GPC5: variants seen among roughly 807,000 people sequenced by gnomAD.
GPC5 encodes glypican 5.
A neutral mutation model predicts 53.9 loss-of-function variants in GPC5; 47 were observed. The observed-to-expected ratio is 0.87, with a 90% CI of 0.69 to 1.11. The LOEUF (loss-of-function observed/expected upper bound fraction) is 1.11. GPC5 is among the 50% of genes most tolerant of loss of function. The pLI is 0.00. For missense variants in GPC5, 748 were observed against 713.1 expected (o/e 1.05, Z -0.56); for synonymous variants, 286 against 263.3 (o/e 1.09, Z -0.84).
intron 6 of GPC5, among the ~76,000 whole-genome samples, chr13:92,034,778 C>T (rs1411070372): frequency 6.6e-6 from 1 of 151,958 alleles, no homozygotes; most frequent in East Asian, 1.9e-4. Context: ...TGGATCTTAG[C>T]TTAAATTTAA....
At chr13:91,851,689 C>T (rs1272676319) in intron 5 of GPC5, among the ~76,000 whole-genome samples, 12 of 129,682 alleles carry the variant, frequency 9.3e-5, no homozygotes, top group African/African-American at 3.5e-4. Context: ...TGTGATATTC[C>T]CCTTCCTGTG....
intron 7 of GPC5, among the ~76,000 whole-genome samples, chr13:92,517,731 A>G (rs1880852404): frequency 6.6e-6 from 1 of 152,198 alleles, no homozygotes; most frequent in East Asian, 1.9e-4. Context: ...AGATGGGGAA[A>G]AAACAAAGCA....
At chr13:91,989,930 G>C (rs766697842) in intron 6 of GPC5, among the ~76,000 whole-genome samples, 1 of 151,886 alleles carries the variant, frequency 6.6e-6, no homozygotes, top group Non-Finnish European at 1.5e-5. Context: ...TAAGTGAAGA[G>C]AATTAAAAAA....
chr13:91,914,212 G>T (rs894412645), intron 6 of GPC5, among the ~76,000 whole-genome samples: 1 of 152,060 alleles, frequency 6.6e-6, no homozygotes, highest in African/African-American at 2.4e-5. Flanking sequence ...TGTTAGTTGA[G>T]AATTATAATG....
At chr13:92,846,943 C>T (rs1043851304) in intron 7 of GPC5, among the ~76,000 whole-genome samples, 2 of 152,132 alleles carry the variant, frequency 1.3e-5, no homozygotes, top group African/African-American at 4.8e-5. Context: ...GAACTATACA[C>T]CTCAAAGTTT....
At chr13:92,818,245 G>A (rs1238611808) in intron 7 of GPC5, among the ~76,000 whole-genome samples, 1 of 151,844 alleles carries the variant, frequency 6.6e-6, no homozygotes, top group Non-Finnish European at 1.5e-5. Flanking sequence ...CCTGACCTCA[G>A]GTGATTCAAC....
At chr13:92,330,332 A>G (rs2139234648) in intron 7 of GPC5, among the ~76,000 whole-genome samples, 1 of 152,264 alleles carries the variant, frequency 6.6e-6, no homozygotes, top group South Asian at 2.1e-4. Flanking sequence ...GTTATTCTGA[A>G]GTAGTAATAA....
At chr13:91,820,572 T>C (rs2038476278) in intron 5 of GPC5, among the ~76,000 whole-genome samples, 1 of 152,186 alleles carries the variant, frequency 6.6e-6, no homozygotes, top group Non-Finnish European at 1.5e-5. Context: ...TTCTGTTCCT[T>C]TTGTGTATGG....
In GPC5 at chr13:92,335,375, A is replaced by G. The variant is rs138885476; in HGVS notation, c.1561+190386A>G. ...ACAGGACACTGAGTCCCAAGGCTGA[A>G]TACAGAAGGGGGGCCCTCGTCCTGG... On this transcript the variant is annotated intron_variant, in intron 7 of 7. Coordinates refer to ENST00000377067, the MANE Select transcript of GPC5 (RefSeq NM_004466.6). Among the ~76,000 whole-genome samples, 6 of 152,240 alleles carry G rather than the reference A, an allele frequency of 3.9e-5. No homozygotes were observed. In the East Asian group the frequency reaches 1.2e-3, roughly 30 times the overall value.
chr13:92,646,739 T>G (rs1324420304), intron 7 of GPC5, among the ~76,000 whole-genome samples: 2 of 152,068 alleles, frequency 1.3e-5, no homozygotes, highest in Non-Finnish European at 2.9e-5. Flanking sequence ...CTTGCTTATA[T>G]TTTACTAGAT....
intron 6 of GPC5, among the ~76,000 whole-genome samples, chr13:91,959,366 G>C (rs2040105793): frequency 6.6e-6 from 1 of 151,592 alleles, no homozygotes; most frequent in South Asian, 2.1e-4. Flanking sequence ...AATCTGAACA[G>C]ACTAATAATG....
At chr13:91,519,884 G>GAAAA (rs5805702) in intron 2 of GPC5, among the ~76,000 whole-genome samples, 2 of 151,088 alleles carry the variant, frequency 1.3e-5, no homozygotes, top group Non-Finnish European at 1.5e-5. Context: ...GTTGAAAATG[G>GAAAA]AAAAAAAAAT....
intron 7 of GPC5, among the ~76,000 whole-genome samples, chr13:92,254,975 C>A (rs1198426436): frequency 2.0e-5 from 3 of 152,072 alleles, no homozygotes; most frequent in Non-Finnish European, 4.4e-5. Context: ...CCAAAAAAGA[C>A]CCCAAAATAA....
At chr13:92,086,986 T>C (rs2041341159) in intron 6 of GPC5, among the ~76,000 whole-genome samples, 1 of 152,188 alleles carries the variant, frequency 6.6e-6, no homozygotes, top group South Asian at 2.1e-4. Context: ...GCACCTCAAG[T>C]GCTTTACAAC....
Position 92,632,489 on chromosome 13 carries a change from C to T in GPC5, c.1562-233793C>T, listed in dbSNP as rs905448913. On this transcript the variant is annotated intron_variant, in intron 7 of 7. Transcript: ENST00000377067. ...ATATATATATATATATATATATACACATATATATATGCACACACACATATA... is the reference window on the plus strand; with the variant it reads ...ATATATATATATATATATATATACATATATATATATGCACACACACATATA... 6.5e-3 allele frequency among the ~76,000 whole-genome samples: 563 copies of T among 87,216 alleles called. 3 individuals are homozygous for T. The highest frequency in any genetic ancestry group is 0.021 in the African/African-American group (535 of 25,214). The allele number at this position is 87,216 out of a possible 152,430, so 57.2% of individuals were successfully genotyped here. A position where few individuals can be genotyped will look rare whatever the true frequency, so the allele number is the denominator to read the frequency against.
At chr13:91,419,554 A>T (rs1453441502) in intron 1 of GPC5, among the ~76,000 whole-genome samples, 1 of 152,194 alleles carries the variant, frequency 6.6e-6, no homozygotes, top group African/African-American at 2.4e-5. Flanking sequence ...ATTTTTCTAA[A>T]ATAGATTATA....
chr13:91,993,214 C>A (rs1483172668), intron 6 of GPC5, among the ~76,000 whole-genome samples: 1 of 152,142 alleles, frequency 6.6e-6, no homozygotes, highest in African/African-American at 2.4e-5. Context: ...TTATTTCTAC[C>A]TCTGAATTAT....
chr13:92,586,696 A>T (rs932641383), intron 7 of GPC5, among the ~76,000 whole-genome samples: 1 of 151,906 alleles, frequency 6.6e-6, no homozygotes, highest in Non-Finnish European at 1.5e-5. Context: ...GATGGTTGTG[A>T]ATATGACACA....
At chr13:92,313,640 G>T (rs894080132) in intron 7 of GPC5, among the ~76,000 whole-genome samples, 1 of 152,144 alleles carries the variant, frequency 6.6e-6, no homozygotes, top group Non-Finnish European at 1.5e-5. Context: ...TGACACAGAG[G>T]CTATAGACGG....
Sources: gnomAD v4.1 joint callset for allele counts (sites outside exome capture counted in the v4.1 genomes callset) on GRCh38, gnomAD v4.1.1 for gene constraint, MANE v1.5 for transcripts, NCBI Gene and HGNC (gene_info 2026-07-23, HGNC 2026-07-21) for gene names.